Variants in TMEM117 observed in about 807,000 individuals in gnomAD.
TMEM117 encodes transmembrane protein 117.
Under a neutral mutation model 52.4 loss-of-function variants are expected in TMEM117, and 27 were observed. The ratio of observed to expected loss-of-function variants is 0.51; its 90% CI spans 0.38 to 0.71. TMEM117 has a LOEUF of 0.71. Among genes scored for constraint, TMEM117 ranks in the 30% least tolerant of loss-of-function variants. The pLI is 0.00. For missense variants in TMEM117, 556 were observed against 630.5 expected, an observed-to-expected ratio of 0.88 and a Z score of 1.26; for synonymous variants, 215 against 206.3, an observed-to-expected ratio of 1.04 and a Z score of -0.36.
At chr12:44,294,493 TTTC>T (rs1324587688) in intron 5 of TMEM117, among the ~76,000 whole-genome samples, 1 of 152,214 alleles carries the variant, frequency 6.6e-6, no homozygotes, top group Non-Finnish European at 1.5e-5. Context: ...ATTTCCATTT[TTTC>T]TTCTTAATTT....
intron 6 of TMEM117, among the ~76,000 whole-genome samples, chr12:44,307,624 C>G (rs1158605878): frequency 6.6e-6 from 1 of 152,184 alleles, no homozygotes; most frequent in African/African-American, 2.4e-5. Context: ...TCTCACTTCC[C>G]TCATTACTGC....
At chr12:43,805,740 C>T in the TMEM117 span, 4 of 1,257,412 alleles carry the variant, frequency 3.2e-6, no homozygotes, top group Admixed American at 7.8e-5. Context: ...TGGGAAGCAC[C>T]CCTACTGATG....
intron 3 of TMEM117, among the ~76,000 whole-genome samples, chr12:44,082,470 TATC>T (rs938491574): frequency 1.3e-5 from 2 of 151,954 alleles, no homozygotes; most frequent in Non-Finnish European, 2.9e-5. Flanking sequence ...TAAATATTTT[TATC>T]ATAAACAAAA....
At chr12:44,074,935 C>G (rs1283678116) in intron 3 of TMEM117, among the ~76,000 whole-genome samples, 1 of 152,138 alleles carries the variant, frequency 6.6e-6, no homozygotes, top group African/African-American at 2.4e-5. Context: ...TACACTAATG[C>G]ATTAGTGTAA....
intron 7 of TMEM117, among the ~76,000 whole-genome samples, chr12:44,386,453 A>G (rs1371586026): frequency 6.6e-6 from 1 of 152,182 alleles, no homozygotes; most frequent in African/African-American, 2.4e-5. Context: ...CATTTCAAAT[A>G]TTATAAACTC....
intron 3 of TMEM117, among the ~76,000 whole-genome samples, chr12:44,028,157 C>T (rs775666746): frequency 7.2e-5 from 11 of 152,194 alleles, no homozygotes; most frequent in South Asian, 2.1e-4. Context: ...CGCACCACTG[C>T]ACTCCAGCCT....
chr12:44,211,348 C>CT lies in TMEM117; in HGVS notation c.572dup (p.Trp192LeufsTer7), dbSNP rs1331564553. On this transcript the variant is annotated frameshift_variant, in exon 5 of 8. Coordinates refer to ENST00000266534, the MANE Select transcript of TMEM117 (RefSeq NM_032256.3). LOFTEE classifies it high-confidence loss of function. ...CCTGACTGGGGAAAATCAGCAAGAG[C>CT]TTTCTGGAAGAAAGGAAATGTTAGG... The CT allele has an allele frequency of 6.2e-7, 1 of 1,611,882 alleles. No homozygotes were observed. Among genetic ancestry groups the CT allele is most frequent in the Non-Finnish European group, 8.5e-7 (1 of 1,179,078 alleles).
At chr12:43,906,456 C>T (rs1306040085) in intron 2 of TMEM117, among the ~76,000 whole-genome samples, 1 of 81,606 alleles carries the variant, frequency 1.2e-5, no homozygotes, top group East Asian at 4.8e-4. Flanking sequence ...GAGTGAGACG[C>T]TGTCTCAAAA....
At chr12:44,070,151 A>G (rs911189392) in intron 3 of TMEM117, among the ~76,000 whole-genome samples, 1 of 152,196 alleles carries the variant, frequency 6.6e-6, no homozygotes, top group African/African-American at 2.4e-5. Flanking sequence ...TTGGCCTCCC[A>G]AAATGCTGGG....
chr12:44,091,528 A>G (rs1243507027), intron 3 of TMEM117, among the ~76,000 whole-genome samples: 2 of 152,226 alleles, frequency 1.3e-5, no homozygotes, highest in Non-Finnish European at 2.9e-5. Flanking sequence ...AACTTCAAAG[A>G]ACAATTTATA....
chr12:43,914,348 T>C (rs10748377), intron 2 of TMEM117, among the ~76,000 whole-genome samples: 108,643 of 151,732 alleles, frequency 0.72, 42,000 homozygotes, highest in East Asian at 0.87. Context: ...TTAGCTCTAA[T>C]GAACCCGCTC....
chr12:44,330,820 GA>G (rs1400284606), intron 6 of TMEM117, among the ~76,000 whole-genome samples: 1 of 152,034 alleles, frequency 6.6e-6, no homozygotes, highest in Non-Finnish European at 1.5e-5. Context: ...TCCACACATT[GA>G]CCATGTGTAT....
intron 3 of TMEM117, among the ~76,000 whole-genome samples, chr12:44,067,767 A>G (rs1436298982): frequency 6.6e-6 from 1 of 152,166 alleles, no homozygotes; most frequent in Non-Finnish European, 1.5e-5. Flanking sequence ...ATGGTAAATG[A>G]GCATTGGTTT....
At chr12:44,095,479 G>T (rs4558216) in intron 3 of TMEM117, among the ~76,000 whole-genome samples, 2 of 152,052 alleles carry the variant, frequency 1.3e-5, no homozygotes, top group Non-Finnish European at 2.9e-5. Context: ...GAAGTAAGTA[G>T]CAAAGTGGGG....
At chr12:43,850,868 GAT>G (rs1306877007) in intron 2 of TMEM117, among the ~76,000 whole-genome samples, 7 of 151,604 alleles carry the variant, frequency 4.6e-5, no homozygotes, top group African/African-American at 1.5e-4. Flanking sequence ...AGGTGATGAT[GAT>G]GGTGATGATG....
chr12:44,397,528 A>G, the TMEM117 span, among the ~76,000 whole-genome samples: 1 of 152,222 alleles, frequency 6.6e-6, no homozygotes, highest in African/African-American at 2.4e-5. Flanking sequence ...GAAAATAAAC[A>G]CAAGTCGGAA....
At chr12:43,968,744 T>C (rs947985649) in intron 3 of TMEM117, among the ~76,000 whole-genome samples, 4 of 152,038 alleles carry the variant, frequency 2.6e-5, no homozygotes, top group Non-Finnish European at 5.9e-5. Flanking sequence ...ATTATTAGAG[T>C]CATCAGATTA....
At chr12:44,237,221 A>G (rs1950007785) in intron 5 of TMEM117, among the ~76,000 whole-genome samples, 1 of 152,110 alleles carries the variant, frequency 6.6e-6, no homozygotes, top group Non-Finnish European at 1.5e-5. Context: ...TAAAACAGTC[A>G]CGTTTCATCT....
the TMEM117 span, chr12:43,798,669 TTAAAA>T: frequency 7.3e-7 from 1 of 1,360,732 alleles, no homozygotes; most frequent in East Asian, 2.5e-5. Context: ...ATAATATGAA[TTAAAA>T]TAATATGATA....
Sources: allele counts gnomAD v4.1 joint callset (sites outside exome capture counted in the v4.1 genomes callset), GRCh38; gene constraint gnomAD v4.1.1; transcripts MANE v1.5; gene names NCBI Gene and HGNC (gene_info 2026-07-23, HGNC 2026-07-21).